NOVA1: variants seen among roughly 807,000 people sequenced by gnomAD.
The protein encoded by NOVA1 is NOVA alternative splicing regulator 1.
Under a neutral mutation model 38.0 loss-of-function variants are expected in NOVA1, and 7 were observed. That is an observed-to-expected ratio of 0.18 (90% CI 0.10 to 0.35). NOVA1 has a LOEUF of 0.35. Ranked by LOEUF, NOVA1 falls within the 10% of genes least tolerant of loss-of-function variation. The pLI is 1.00. For synonymous variants in NOVA1, 270 were observed against 232.5 expected, an observed-to-expected ratio of 1.16 and a Z score of -1.47; for missense variants, 460 against 616.0, an observed-to-expected ratio of 0.75 and a Z score of 2.68.
At chr14:26,458,147 C>T (rs1404483717) in intron 4 of NOVA1, among the ~76,000 whole-genome samples, 1 of 151,864 alleles carries the variant, frequency 6.6e-6, no homozygotes, top group Admixed American at 6.6e-5. Flanking sequence ...TGACACCACT[C>T]AGAATGGTTA....
intron 2 of NOVA1, among the ~76,000 whole-genome samples, chr14:26,583,430 C>T (rs1476250844): frequency 6.6e-6 from 1 of 151,458 alleles, no homozygotes; most frequent in East Asian, 1.9e-4. Flanking sequence ...CCTTGAGTTA[C>T]ACAACTGGTA....
intron 2 of NOVA1, among the ~76,000 whole-genome samples, chr14:26,534,478 G>A (rs572074561): frequency 1.3e-5 from 2 of 151,068 alleles, no homozygotes; most frequent in East Asian, 1.9e-4. Flanking sequence ...AATAGAAACA[G>A]GTATAAAATT....
At chr14:26,463,586 T>C (rs1228798667) in intron 4 of NOVA1, among the ~76,000 whole-genome samples, 1 of 152,214 alleles carries the variant, frequency 6.6e-6, no homozygotes, top group East Asian at 1.9e-4. Context: ...TTAACTGTCA[T>C]GTGTTCAAGA....
At chr14:26,474,942 T>C (rs1884859444) in intron 3 of NOVA1, among the ~76,000 whole-genome samples, 1 of 152,008 alleles carries the variant, frequency 6.6e-6, no homozygotes, top group African/African-American at 2.4e-5. Context: ...AAAAATACCC[T>C]CGAAAGTTTC....
rs149549074 is a variant in NOVA1 at position 26,470,046 on chromosome 14, CAT to C, written c.519+2272_519+2273del. 8.3e-3 allele frequency: 3,145 copies of C among 380,636 alleles called. 94 individuals carry two copies. The highest frequency in any genetic ancestry group is 0.062 in the African/African-American group (2,946 of 47,256). 23.6% of individuals were successfully genotyped at this position (380,636 alleles called of 1,614,324 possible). A position where few individuals can be genotyped will look rare whatever the true frequency, so the allele number is the denominator to read the frequency against. The stretch of plus-strand genomic sequence containing the variant: ...AAGTAAAATTCGGTATGTACTGAAA[CAT>C]GTCATCATTTTTAAAATAATAAAAA... On this transcript the variant is annotated intron_variant, in intron 4 of 4. Transcript: ENST00000539517.
chr14:26,493,772 ATC>A (rs1198446161), intron 2 of NOVA1, among the ~76,000 whole-genome samples: 1 of 151,844 alleles, frequency 6.6e-6, no homozygotes, highest in East Asian at 1.9e-4. Context: ...GCAGTTTTTG[ATC>A]TCCTGCCCCT....
chr14:26,574,592 G>T (rs1468595820), intron 2 of NOVA1, among the ~76,000 whole-genome samples: 1 of 151,926 alleles, frequency 6.6e-6, no homozygotes, highest in Non-Finnish European at 1.5e-5. Context: ...TAAATGAGTG[G>T]TTACTTAAAA....
At chr14:26,531,197 T>C (rs996120014) in intron 2 of NOVA1, among the ~76,000 whole-genome samples, 4 of 152,230 alleles carry the variant, frequency 2.6e-5, no homozygotes, top group Admixed American at 6.5e-5. Context: ...TGTGTGATGA[T>C]AGCAATTTTA....
intron 2 of NOVA1, among the ~76,000 whole-genome samples, chr14:26,536,732 G>A (rs1031712036): frequency 1.3e-5 from 2 of 152,014 alleles, no homozygotes; most frequent in African/African-American, 2.4e-5. Flanking sequence ...ATGGAAAAAA[G>A]GGGGGGAAAG....
At chr14:26,482,568 GTTA>G (rs1158613908) in intron 2 of NOVA1, among the ~76,000 whole-genome samples, 1 of 152,042 alleles carries the variant, frequency 6.6e-6, no homozygotes, top group East Asian at 1.9e-4. Flanking sequence ...TAAACTGCCT[GTTA>G]TTTATCATTT....
chr14:26,543,852 G>C lies in NOVA1; in HGVS notation c.280+51558C>G, dbSNP rs577183754. 1.3e-4 allele frequency among the ~76,000 whole-genome samples: 20 copies of C among 152,136 alleles called. No homozygotes were observed. The East Asian group carries it at 3.9e-3, about 29-fold the overall frequency. ...AGATCATCTAGGCTACAGTTGGTAA[G>C]AATGTGGCCAAAAATTGCTCAGGCT... On this transcript the variant is annotated intron_variant, in intron 2 of 4. Transcript: ENST00000539517.
intron 2 of NOVA1, among the ~76,000 whole-genome samples, chr14:26,481,752 G>C: frequency 6.6e-6 from 1 of 151,748 alleles, no homozygotes; most frequent in African/African-American, 2.4e-5. Flanking sequence ...TACATATTGT[G>C]GTTCCTGCAT....
At chr14:26,492,425 T>C (rs1406724512) in intron 2 of NOVA1, among the ~76,000 whole-genome samples, 1 of 152,186 alleles carries the variant, frequency 6.6e-6, no homozygotes, top group African/African-American at 2.4e-5. Context: ...CAGGCATCCA[T>C]GTCTTGTTTC....
At chr14:26,460,308 CATT>C (rs59208246) in intron 4 of NOVA1, among the ~76,000 whole-genome samples, 30,581 of 151,704 alleles carry the variant, frequency 0.2, 3,280 homozygotes, top group East Asian at 0.33. Context: ...ACCATATAAA[CATT>C]AACATTTAAA....
chr14:26,519,954 C>G (rs904961296), intron 2 of NOVA1, among the ~76,000 whole-genome samples: 2 of 152,114 alleles, frequency 1.3e-5, no homozygotes, highest in Non-Finnish European at 2.9e-5. Flanking sequence ...AGTTGGTTTG[C>G]ATTATTCAAG....
chr14:26,544,287 C>T (rs554165447), intron 2 of NOVA1, among the ~76,000 whole-genome samples: 3 of 151,854 alleles, frequency 2.0e-5, no homozygotes, highest in Admixed American at 6.6e-5. Context: ...AAGTGTCAAC[C>T]GCATCAAGGA....
At chr14:26,510,955 C>G (rs918020521) in intron 2 of NOVA1, among the ~76,000 whole-genome samples, 3 of 152,008 alleles carry the variant, frequency 2.0e-5, no homozygotes, top group Non-Finnish European at 1.5e-5. Flanking sequence ...GTTGGTTTAA[C>G]AATTCAATAA....
intron 2 of NOVA1, among the ~76,000 whole-genome samples, chr14:26,587,455 GC>G (rs1476064050): frequency 6.6e-6 from 1 of 151,068 alleles, no homozygotes; most frequent in Non-Finnish European, 1.5e-5. Flanking sequence ...GCCTACACCA[GC>G]GTTTACAGGA....
At position 26,556,022 on chromosome 14, in the gene NOVA1, G is replaced by C. The variant is rs115960144; in HGVS notation, c.280+39388C>G. The stretch of plus-strand genomic sequence containing the variant: ...GAAATCAAAGACAATCTAAGTAAAT[G>C]ACCTATTTCATGTACTCAGAGAGGA... On this transcript the variant is annotated intron_variant, in intron 2 of 4. Transcript: ENST00000539517. Among the ~76,000 whole-genome samples, 504 of 152,194 alleles carry C rather than the reference G, an allele frequency of 3.3e-3. 4 individuals are homozygous for C. The highest frequency in any genetic ancestry group is 0.012 in the African/African-American group (489 of 41,532).
Sources: allele counts gnomAD v4.1 joint callset (sites outside exome capture counted in the v4.1 genomes callset), GRCh38; gene constraint gnomAD v4.1.1; transcripts MANE v1.5; gene names NCBI Gene and HGNC (gene_info 2026-07-23, HGNC 2026-07-21).